The following PTPRD variants were observed in gnomAD, a reference collection of about 807,000 sequenced individuals.
The protein encoded by PTPRD is protein tyrosine phosphatase receptor type D.
PTPRD carries 34 observed loss-of-function variants against 214.5 expected under a neutral mutation model. That is an observed-to-expected ratio of 0.16 (90% CI 0.12 to 0.21). PTPRD has a LOEUF of 0.21. PTPRD is among the 10% of genes least tolerant of loss of function. The pLI, the probability that PTPRD is intolerant of heterozygous loss-of-function variation, is 1.00. For synonymous variants in PTPRD, 1,128 were observed against 845.7 expected, an observed-to-expected ratio of 1.33 and a Z score of -5.79; for missense variants, 2,545 against 2,398.7, an observed-to-expected ratio of 1.06 and a Z score of -1.27.
intron 43 of PTPRD, among the ~76,000 whole-genome samples, chr9:8,336,939 C>A (rs1275268555): frequency 6.6e-6 from 1 of 152,170 alleles, no homozygotes; most frequent in Non-Finnish European, 1.5e-5. Context: ...ATTAAAAAGT[C>A]AGGAAACAAC....
At position 10,104,393 on chromosome 9, in the gene PTPRD, G is replaced by A. The variant is rs190528290; in HGVS notation, c.-544-70603C>T. Among the ~76,000 whole-genome samples, 118 of 151,660 alleles carry A rather than the reference G, an allele frequency of 7.8e-4. 1 individual carries two copies. Among genetic ancestry groups the A allele is most frequent in the African/African-American group, 2.5e-3 (105 of 41,446 alleles). On this transcript the variant is annotated intron_variant, in intron 3 of 45. Coordinates refer to ENST00000381196, the MANE Select transcript of PTPRD (RefSeq NM_002839.4). Reference sequence around the variant, plus strand: ...CTTGATGAATTCTTTAAAAATATCTGTTGAACTTCCTATATACACGAACAC... The same window carrying A: ...CTTGATGAATTCTTTAAAAATATCTATTGAACTTCCTATATACACGAACAC...
chr9:9,000,158 C>T (rs979968965), intron 11 of PTPRD, among the ~76,000 whole-genome samples: 3 of 152,004 alleles, frequency 2.0e-5, no homozygotes, highest in Non-Finnish European at 2.9e-5. Context: ...TCATTGATTG[C>T]TTTAAATTCC....
At chr9:8,366,973 T>G (rs1237641492) in intron 39 of PTPRD, among the ~76,000 whole-genome samples, 1 of 152,210 alleles carries the variant, frequency 6.6e-6, no homozygotes, top group East Asian at 1.9e-4. Flanking sequence ...GCCTACGGCC[T>G]GTTCTTTTGA....
intron 3 of PTPRD, among the ~76,000 whole-genome samples, chr9:10,125,350 A>C (rs1489940830): frequency 1.3e-5 from 2 of 151,304 alleles, no homozygotes; most frequent in African/African-American, 4.8e-5. Flanking sequence ...AAAGGAAAAT[A>C]AATCAATCAT....
chr9:10,453,478 A>G (rs972021818), intron 2 of PTPRD, among the ~76,000 whole-genome samples: 7 of 151,574 alleles, frequency 4.6e-5, no homozygotes, highest in African/African-American at 1.7e-4. Flanking sequence ...ATTCTTCAAT[A>G]TCTTCCCTCA....
At chr9:9,741,032 C>A (rs1034138546) in intron 6 of PTPRD, among the ~76,000 whole-genome samples, 1 of 152,140 alleles carries the variant, frequency 6.6e-6, no homozygotes, top group Non-Finnish European at 1.5e-5. Context: ...ACTTCGGTAA[C>A]TGGCAATTTG....
chr9:10,295,362 C>T (rs2095644358), intron 3 of PTPRD, among the ~76,000 whole-genome samples: 1 of 152,024 alleles, frequency 6.6e-6, no homozygotes, highest in Non-Finnish European at 1.5e-5. Flanking sequence ...TTTATTAAAA[C>T]CTGAGGTGAT....
At chr9:8,807,064 C>G (rs1157552535) in intron 11 of PTPRD, among the ~76,000 whole-genome samples, 2 of 152,142 alleles carry the variant, frequency 1.3e-5, no homozygotes, top group Admixed American at 6.5e-5. Context: ...AGGCCAGGCA[C>G]AGTGGCTCAT....
At chr9:10,110,629 A>G (rs1038170893) in intron 3 of PTPRD, among the ~76,000 whole-genome samples, 3 of 152,202 alleles carry the variant, frequency 2.0e-5, no homozygotes, top group Non-Finnish European at 2.9e-5. Context: ...CAACTTGCCA[A>G]ATTAAGCAAG....
At chr9:10,208,285 A>T (rs375362661) in intron 3 of PTPRD, among the ~76,000 whole-genome samples, 115 of 152,302 alleles carry the variant, frequency 7.6e-4, no homozygotes, top group African/African-American at 2.0e-3. Flanking sequence ...GTGGCCGAGG[A>T]GGGCGGATCA....
At chr9:9,569,618 C>G (rs963430834) in intron 8 of PTPRD, among the ~76,000 whole-genome samples, 1 of 151,520 alleles carries the variant, frequency 6.6e-6, no homozygotes, top group Non-Finnish European at 1.5e-5. Context: ...TCGATTTTCC[C>G]AGATATCCAT....
chr9:9,736,051 G>A (rs941207897), intron 6 of PTPRD, among the ~76,000 whole-genome samples: 3 of 152,062 alleles, frequency 2.0e-5, no homozygotes, highest in African/African-American at 7.2e-5. Context: ...CATGTGCAGA[G>A]ATTTGTAATC....
At chr9:10,393,311 G>A (rs2098107470) in intron 2 of PTPRD, among the ~76,000 whole-genome samples, 1 of 151,810 alleles carries the variant, frequency 6.6e-6, no homozygotes, top group Admixed American at 6.6e-5. Context: ...GTGTTTGTGT[G>A]TGTGTGTATG....
intron 3 of PTPRD, among the ~76,000 whole-genome samples, chr9:10,222,174 A>G (rs758303433): frequency 6.6e-6 from 1 of 152,046 alleles, no homozygotes; most frequent in Non-Finnish European, 1.5e-5. Context: ...TTTGTATAAA[A>G]TTATTTTTAA....
At chr9:8,948,629 G>A (rs567009923) in intron 11 of PTPRD, among the ~76,000 whole-genome samples, 3 of 129,752 alleles carry the variant, frequency 2.3e-5, no homozygotes, top group African/African-American at 8.8e-5. Context: ...TTAAGAGTGG[G>A]ACATTTTCAG....
At chr9:10,364,753 T>C (rs1393645558) in intron 2 of PTPRD, among the ~76,000 whole-genome samples, 1 of 152,034 alleles carries the variant, frequency 6.6e-6, no homozygotes, top group Admixed American at 6.5e-5. Flanking sequence ...TCCCCTGGGT[T>C]CACATTAATT....
intron 11 of PTPRD, among the ~76,000 whole-genome samples, chr9:8,754,445 C>A (rs28499282): frequency 6.6e-6 from 1 of 152,052 alleles, no homozygotes; most frequent in Non-Finnish European, 1.5e-5. Context: ...TAGAAACAGA[C>A]CCACCCATAT....
chr9:9,065,941 C>G (rs10977466), intron 10 of PTPRD, among the ~76,000 whole-genome samples: 35,248 of 151,930 alleles, frequency 0.23, 4,390 homozygotes, highest in African/African-American at 0.31. Context: ...AAAAATTATA[C>G]AAGAATATGC....
At chr9:8,698,075 A>C (rs532847777) in intron 12 of PTPRD, among the ~76,000 whole-genome samples, 1 of 152,280 alleles carries the variant, frequency 6.6e-6, no homozygotes, top group South Asian at 2.1e-4. Context: ...GTGAAACTTT[A>C]TTTTATACAA....
Sources: gnomAD v4.1 joint callset for allele counts (sites outside exome capture counted in the v4.1 genomes callset) on GRCh38, gnomAD v4.1.1 for gene constraint, MANE v1.5 for transcripts, NCBI Gene and HGNC (gene_info 2026-07-23, HGNC 2026-07-21) for gene names.